ALDH5A1: variants seen among roughly 807,000 people sequenced by gnomAD.
ALDH5A1 encodes aldehyde dehydrogenase 5 family member A1.
ALDH5A1 carries 33 observed loss-of-function variants against 54.7 expected under a neutral mutation model. The observed-to-expected ratio is 0.60, with a 90% CI of 0.46 to 0.81. The LOEUF (loss-of-function observed/expected upper bound fraction) is 0.81, where lower values mean the gene tolerates loss of function less well. ALDH5A1 is among the 30% of genes least tolerant of loss of function. ALDH5A1 has a pLI of 0.00. For synonymous variants in ALDH5A1, 294 were observed against 292.7 expected (o/e 1.00, Z -0.05); for missense variants, 657 against 711.0 (o/e 0.92, Z 0.86).
rs1760063399 is a variant in ALDH5A1 at position 24,536,974 on chromosome 6, A to T, written c.*3262A>T. On this transcript the variant is annotated 3_prime_UTR_variant, in exon 10 of 10. Transcript: ENST00000357578. Reference sequence around the variant, plus strand: ...CCTAGTGTTTTAATTACCTGTGTGCAGCTATTTTAAATAGCATTTTACTTG... The same window carrying T: ...CCTAGTGTTTTAATTACCTGTGTGCTGCTATTTTAAATAGCATTTTACTTG... The T allele has an allele frequency of 6.6e-6, 1 of 152,662 alleles. No homozygotes were observed. The highest frequency in any genetic ancestry group is 1.5e-5 in the Non-Finnish European group (1 of 68,044). 9.5% of individuals were successfully genotyped at this position (152,662 alleles called of 1,614,324 possible). A position where few individuals can be genotyped will look rare whatever the true frequency, so the allele number is the denominator to read the frequency against.
rs1759988402 is a variant in ALDH5A1 at position 24,533,924 on chromosome 6, TC to T, written c.*215del. ...GTGCCACGTGCCTGTGGCTGCAGAC[TC>T]CCAGAGAACCAGCACTGGGTTTACA... On this transcript the variant is annotated 3_prime_UTR_variant, in exon 10 of 10. Transcript: ENST00000357578. 2 of 524,332 alleles carry T rather than the reference TC, an allele frequency of 3.8e-6. No individual in the cohort carries two copies. The highest frequency in any genetic ancestry group is 6.8e-6 in the Non-Finnish European group (2 of 295,682). 32.5% of individuals were successfully genotyped at this position (524,332 alleles called of 1,614,324 possible).
rs551127999 is a variant in ALDH5A1, at chr6:24,499,203, G to A, written c.355-3320G>A. Among the ~76,000 whole-genome samples, 3 of 152,180 alleles carry A rather than the reference G, an allele frequency of 2.0e-5. 1 individual carries two copies. The highest frequency in any genetic ancestry group is 2.0e-4 in the Admixed American group (3 of 15,284). On this transcript the variant is annotated intron_variant, in intron 1 of 9. Transcript: ENST00000357578. ...CTCAAGAGGCTGAGGCATGAGAATT[G>A]CTTGAGCCCAGGAGGCGGAGGTTGG...
chr6:24,505,917 G>A (rs989127982), intron 4 of ALDH5A1, among the ~76,000 whole-genome samples: 10 of 143,882 alleles, frequency 7.0e-5, no homozygotes, highest in South Asian at 2.2e-4. Flanking sequence ...GCAGTGAGCC[G>A]AGATGGTGTC....
intron 7 of ALDH5A1, among the ~76,000 whole-genome samples, chr6:24,527,581 T>C (rs1371575760): frequency 3.6e-5 from 5 of 139,656 alleles, no homozygotes; most frequent in Non-Finnish European, 7.4e-5. Context: ...CAAAAACAAA[T>C]AAATAAATAA....
intron 5 of ALDH5A1, 134 bp from the exon 6 acceptor site, chr6:24,520,267 T>C: frequency 3.0e-6 from 3 of 990,024 alleles, no homozygotes. Context: ...TTCTCCGTTT[T>C]CTTATGCAAA....
At chr6:24,520,581 G>A (rs373072007) in intron 6 of ALDH5A1, 37 bp downstream of exon 6, 95 of 1,611,316 alleles carry the variant, frequency 5.9e-5, no homozygotes, top group East Asian at 4.5e-4. Context: ...GTGTGTTTGC[G>A]TGTGCATGTG....
At position 24,503,297 on chromosome 6, in the gene ALDH5A1, T is replaced by G; in HGVS notation, c.473T>G (p.Leu158Arg). Residue 158 changes from leucine to arginine, a missense_variant, in exon 3 of 10, where the codon CTC (leucine) becomes CGC (arginine). Coordinates refer to ENST00000357578, the MANE Select transcript of ALDH5A1 (RefSeq NM_001080.3). ...CTGAAGGAGGCACATGGAGAAATTC[T>G]CTATTCCGCCTTTTTCCTAGAGTGG... is the stretch of plus-strand genomic sequence containing the variant. ...KPLKEAHGEI[L>R]YSAFFLEWFS... 6.2e-7 allele frequency: 1 copy of G among 1,614,144 alleles called. No homozygotes were observed.
At chr6:24,501,875 T>TTA (rs59853869) in intron 1 of ALDH5A1, among the ~76,000 whole-genome samples, 107 of 144,636 alleles carry the variant, frequency 7.4e-4, no homozygotes, top group South Asian at 5.6e-3. Flanking sequence ...AACCAATGTT[T>TTA]TATATATATA....
At chr6:24,529,164 CTTTTT>C (rs200824478) in intron 8 of ALDH5A1, among the ~76,000 whole-genome samples, 1 of 150,446 alleles carries the variant, frequency 6.6e-6, no homozygotes. Flanking sequence ...CTTTTTTTTT[CTTTTT>C]TTTGTTTTTT....
chr6:24,497,078 C>G (rs1764726005), intron 1 of ALDH5A1, among the ~76,000 whole-genome samples: 1 of 152,138 alleles, frequency 6.6e-6, no homozygotes, highest in African/African-American at 2.4e-5. Flanking sequence ...TGTTACAGCT[C>G]TTAAAGATGG....
intron 8 of ALDH5A1, among the ~76,000 whole-genome samples, chr6:24,530,971 C>G (rs942925784): frequency 3.3e-5 from 5 of 152,226 alleles, no homozygotes; most frequent in African/African-American, 1.2e-4. Context: ...CCATCATTCT[C>G]CCCCAGGATC....
chr6:24,507,982 A>AGACGGAGTCTCGCTC (rs1759389608), intron 4 of ALDH5A1, among the ~76,000 whole-genome samples: 1 of 151,934 alleles, frequency 6.6e-6, no homozygotes, highest in African/African-American at 2.4e-5. Flanking sequence ...TGTCATTCTT[A>AGACGGAGTCTCGCTC]TGCCTTTGCT....
At chr6:24,504,754 G>A (rs1581808304) in intron 3 of ALDH5A1, 115 bp from the exon 4 acceptor site, 1 of 1,051,922 alleles carries the variant, frequency 9.5e-7, no homozygotes, top group East Asian at 2.4e-5. Context: ...CAGCCAAACG[G>A]GTTTGTCAAT....
rs1288315589 is a variant in ALDH5A1 at position 24,495,185 on chromosome 6, C to G, written c.189C>G (p.Ser63Arg). 3.3e-6 allele frequency: 5 copies of G among 1,503,234 alleles called. No homozygotes were observed. The highest frequency in any genetic ancestry group is 4.4e-6 in the Non-Finnish European group (5 of 1,133,804). The allele number at this position is 1,503,234 out of a possible 1,614,324, so 93.1% of individuals were successfully genotyped here. A position where few individuals can be genotyped will look rare whatever the true frequency, so the allele number is the denominator to read the frequency against. Residue 63 changes from serine (S) to arginine (R), a missense_variant, in exon 1 of 10, where the codon AGC becomes AGG. By Grantham distance (110) the Ser-to-Arg change is moderately radical. This residue lies in a region of ALDH5A1 where 232 missense variants were observed against 194.6 expected (regional missense o/e 1.19). Transcript: ENST00000357578. Reference sequence around the variant, plus strand: ...CTGCGGCGCTGCTGCGCACCGACAGCTTCGTGGGCGGCCGCTGGCTCCCGG... The same window carrying G: ...CTGCGGCGCTGCTGCGCACCGACAGGTTCGTGGGCGGCCGCTGGCTCCCGG... ...GLSAALLRTDSFVGGRWLPAA... is the reference protein window; with the variant it reads ...GLSAALLRTDRFVGGRWLPAA...
At chr6:24,531,997 A>T in intron 8 of ALDH5A1, 122 bp from the exon 9 acceptor site, 1 of 881,452 alleles carries the variant, frequency 1.1e-6, no homozygotes, top group Non-Finnish European at 1.9e-6. Flanking sequence ...CTGCTCTTGG[A>T]TCTCTTTGCA....
chr6:24,501,813 GT>G (rs1764823137), intron 1 of ALDH5A1, among the ~76,000 whole-genome samples: 1 of 151,408 alleles, frequency 6.6e-6, no homozygotes, highest in African/African-American at 2.4e-5. Context: ...AAACACAGAA[GT>G]TCAATGTATG....
At chr6:24,495,652 C>A (rs2127379350) in intron 1 of ALDH5A1, among the ~76,000 whole-genome samples, 1 of 152,218 alleles carries the variant, frequency 6.6e-6, no homozygotes, top group Admixed American at 6.5e-5. Flanking sequence ...TTATGGTCAA[C>A]AAGCCTAACC....
At chr6:24,524,236 C>T (rs915133971) in intron 7 of ALDH5A1, among the ~76,000 whole-genome samples, 5 of 152,224 alleles carry the variant, frequency 3.3e-5, no homozygotes, top group South Asian at 2.1e-4. Flanking sequence ...CCACCTGCCT[C>T]GGCCTCCCAA....
At chr6:24,513,246 G>T (rs373714415) in intron 4 of ALDH5A1, among the ~76,000 whole-genome samples, 17 of 151,572 alleles carry the variant, frequency 1.1e-4, no homozygotes, top group African/African-American at 3.9e-4. Flanking sequence ...TTATTTTTTC[G>T]TAGAGATAGG....
Sources: allele counts gnomAD v4.1 joint callset (sites outside exome capture counted in the v4.1 genomes callset), GRCh38; gene constraint gnomAD v4.1.1; regional missense constraint gnomAD v4.1.1; transcripts MANE v1.5; gene names NCBI Gene and HGNC (gene_info 2026-07-23, HGNC 2026-07-21).